BBS4: variants seen among roughly 807,000 people sequenced by gnomAD.
BBS4 encodes the protein BBSome complex member BBS4.
In BBS4, 58 loss-of-function variants were observed where a neutral mutation model predicts 71.4. That is an observed-to-expected ratio of 0.81 (90% CI 0.66 to 1.01). The LOEUF is 1.01. BBS4 is among the 50% of genes least tolerant of loss of function. The pLI, the probability that BBS4 is intolerant of heterozygous loss-of-function variation, is 0.00. For synonymous variants in BBS4, 228 were observed against 216.8 expected, an observed-to-expected ratio of 1.05 and a Z score of -0.46; for missense variants, 660 against 607.9, an observed-to-expected ratio of 1.09 and a Z score of -0.90.
intron 2 of BBS4, among the ~76,000 whole-genome samples, chr15:72,696,064 T>C (rs2065071153): frequency 6.6e-6 from 1 of 152,220 alleles, no homozygotes; most frequent in Non-Finnish European, 1.5e-5. Flanking sequence ...TAGTTACTGA[T>C]TGGAAGGGTG....
chr15:72,737,127 T>C (rs765169871), intron 15 of BBS4, 164 bp downstream of exon 15: 1 of 856,052 alleles, frequency 1.2e-6, no homozygotes, highest in Non-Finnish European at 1.9e-6. Flanking sequence ...TTGGCACTTG[T>C]TTCCTTAAGG....
In BBS4 at chr15:72,738,033, T is replaced by C; in HGVS notation, c.*446T>C. 2.2e-6 allele frequency: 1 copy of C among 454,180 alleles called. No individual in the cohort carries two copies. Among genetic ancestry groups the C allele is most frequent in the Non-Finnish European group, 4.4e-6 (1 of 226,832 alleles). 28.1% of individuals were successfully genotyped at this position (454,180 alleles called of 1,614,324 possible). A position where few individuals can be genotyped will look rare whatever the true frequency, so the allele number is the denominator to read the frequency against. ...GTGATCCTCAGGTTGTGAGGTTTAT[T>C]AGTCCCCAAGGCAAACACAAATATT... On this transcript the variant is annotated 3_prime_UTR_variant, in exon 16 of 16. Transcript: ENST00000268057.
chr15:72,731,487 A>T, intron 11 of BBS4, 30 bp downstream of exon 11: 1 of 1,614,048 alleles, frequency 6.2e-7, no homozygotes, highest in South Asian at 1.1e-5. Flanking sequence ...CTTTGTTTGT[A>T]TTTCTACATG....
chr15:72,701,577 A>ACG (rs1567404085), intron 2 of BBS4, among the ~76,000 whole-genome samples: 1 of 149,512 alleles, frequency 6.7e-6, no homozygotes, highest in Non-Finnish European at 1.5e-5. Context: ...AGGTGTACAA[A>ACG]CGCACACACA....
At chr15:72,688,589 G>A (rs2064922663) in intron 1 of BBS4, among the ~76,000 whole-genome samples, 1 of 151,704 alleles carries the variant, frequency 6.6e-6, no homozygotes, top group Non-Finnish European at 1.5e-5. Context: ...TATTTTTGTG[G>A]AGATGGGGTT....
chr15:72,735,028 G>A, intron 12 of BBS4, 85 bp from the exon 13 acceptor site: 1 of 962,912 alleles, frequency 1.0e-6, no homozygotes, highest in Non-Finnish European at 1.7e-6. Flanking sequence ...AGCTGACAGG[G>A]TGAAGTTTAC....
intron 7 of BBS4, among the ~76,000 whole-genome samples, 189 bp downstream of exon 7, chr15:72,723,036 A>G (rs920584421): frequency 1.3e-5 from 2 of 152,146 alleles, no homozygotes; most frequent in Admixed American, 6.5e-5. Context: ...TCTGCTTGTA[A>G]TAAGAACATG....
chr15:72,700,121 G>T (rs1334437037), intron 2 of BBS4, among the ~76,000 whole-genome samples: 1 of 152,076 alleles, frequency 6.6e-6, no homozygotes, highest in Non-Finnish European at 1.5e-5. Flanking sequence ...TCTATTTTTA[G>T]TAGAGACGGG....
At position 72,729,608 on chromosome 15, in the gene BBS4, T is replaced by C. The variant is rs1477899476; in HGVS notation, c.643-8T>C. 1 of 1,614,024 alleles carries C rather than the reference T, an allele frequency of 6.2e-7. No individual in the cohort carries two copies. Among genetic ancestry groups the C allele is most frequent in the South Asian group, 1.1e-5 (1 of 91,074 alleles). Reference sequence around the variant, plus strand: ...GATGTAAATTGTCTTGTTTGCTTTTTTTCCAAGCTCGGCATTTACCAGAAG... The same window carrying C: ...GATGTAAATTGTCTTGTTTGCTTTTCTTCCAAGCTCGGCATTTACCAGAAG... On this transcript the variant is annotated splice_region_variant and splice_polypyrimidine_tract_variant and intron_variant, in intron 9 of 15. Coordinates refer to ENST00000268057, the MANE Select transcript of BBS4 (RefSeq NM_033028.5).
chr15:72,691,703 C>T (rs933883182), intron 1 of BBS4, among the ~76,000 whole-genome samples: 1 of 152,048 alleles, frequency 6.6e-6, no homozygotes, highest in Non-Finnish European at 1.5e-5. Flanking sequence ...CAGTGGCTTA[C>T]GCCTGTAATC....
At position 72,686,990 on chromosome 15, in the gene BBS4, G is replaced by T. The variant is rs2064859307; in HGVS notation, c.24+739G>T. ...AAAACAGTACAAATAGCAGCCTTTG[G>T]CTGTTTTACAACTTAGTTTTGGCTA... On this transcript the variant is annotated intron_variant, in intron 1 of 15. Transcript: ENST00000268057. 5.4e-5 allele frequency: 11 copies of T among 203,774 alleles called. No homozygotes were observed. The South Asian group carries it at 8.0e-4, about 15-fold the overall frequency. The allele number at this position is 203,774 out of a possible 1,614,324, so 12.6% of individuals were successfully genotyped here. A position where few individuals can be genotyped will look rare whatever the true frequency, so the allele number is the denominator to read the frequency against.
At chr15:72,688,988 T>TTTC (rs1429894626) in intron 1 of BBS4, among the ~76,000 whole-genome samples, 3 of 152,104 alleles carry the variant, frequency 2.0e-5, no homozygotes, top group African/African-American at 7.2e-5. Flanking sequence ...TTCTCCTTTC[T>TTTC]TTCTTCTGCC....
chr15:72,693,517 C>T (rs1567397047), intron 1 of BBS4, among the ~76,000 whole-genome samples: 1 of 152,164 alleles, frequency 6.6e-6, no homozygotes, highest in Non-Finnish European at 1.5e-5. Context: ...TCTCTGACAA[C>T]TACTCAGCAA....
At chr15:72,716,398 A>G (rs2065469174) in intron 5 of BBS4, among the ~76,000 whole-genome samples, 1 of 152,226 alleles carries the variant, frequency 6.6e-6, no homozygotes. Context: ...AAAGAGACTT[A>G]GTCTTGGAAG....
Position 72,738,027 on chromosome 15 carries a change from G to A in BBS4, c.*440G>A, listed in dbSNP as rs1161619573. ...ACTGAGGTGATCCTCAGGTTGTGAG[G>A]TTTATTAGTCCCCAAGGCAAACACA... On this transcript the variant is annotated 3_prime_UTR_variant, in exon 16 of 16. Transcript: ENST00000268057. 1 of 454,094 alleles carries A rather than the reference G, an allele frequency of 2.2e-6. No individual in the cohort carries two copies. The highest frequency in any genetic ancestry group is 4.4e-6 in the Non-Finnish European group (1 of 226,836). The allele number at this position is 454,094 out of a possible 1,614,324, so 28.1% of individuals were successfully genotyped here.
At chr15:72,701,891 G>T (rs1462489801) in intron 2 of BBS4, among the ~76,000 whole-genome samples, 1 of 152,130 alleles carries the variant, frequency 6.6e-6, no homozygotes, top group Non-Finnish European at 1.5e-5. Context: ...AGGCTGGAGT[G>T]CAGTGGTGCG....
At chr15:72,691,958 C>CAAAAAAAAAAAAA (rs33994964) in intron 1 of BBS4, among the ~76,000 whole-genome samples, 1 of 102,418 alleles carries the variant, frequency 9.8e-6, no homozygotes, top group Non-Finnish European at 2.1e-5. Flanking sequence ...GACTTCGTCT[C>CAAAAAAAAAAAAA]AAAAAAAAAA....
At chr15:72,722,699 C>T in intron 6 of BBS4, 95 bp from the exon 7 acceptor site, 1 of 1,142,848 alleles carries the variant, frequency 8.8e-7, no homozygotes, top group Non-Finnish European at 1.3e-6. Flanking sequence ...TTAAACCTTG[C>T]CGAGCAATAA....
intron 2 of BBS4, among the ~76,000 whole-genome samples, chr15:72,702,865 TGGC>T (rs2065197341): frequency 7.3e-6 from 1 of 136,476 alleles, no homozygotes; most frequent in Non-Finnish European, 1.5e-5. Flanking sequence ...TGGAGTGCAG[TGGC>T]GGGATCTCGG....
Sources: allele counts gnomAD v4.1 joint callset (sites outside exome capture counted in the v4.1 genomes callset), GRCh38; gene constraint gnomAD v4.1.1; transcripts MANE v1.5; gene names NCBI Gene and HGNC (gene_info 2026-07-23, HGNC 2026-07-21).